LRP1B: variants seen among roughly 807,000 people sequenced by gnomAD.
The protein encoded by LRP1B is LDL receptor related protein 1B.
Under a neutral mutation model 556.6 loss-of-function variants are expected in LRP1B, and 217 were observed. The observed-to-expected ratio is 0.39, with a 90% CI of 0.35 to 0.44. LRP1B has a LOEUF of 0.44. Ranked by LOEUF, LRP1B falls within the 20% of genes least tolerant of loss-of-function variation. The pLI is 1.00. For synonymous variants in LRP1B, 2,047 were observed against 1,865.8 expected, an observed-to-expected ratio of 1.10 and a Z score of -2.50; for missense variants, 5,053 against 5,620.8, an observed-to-expected ratio of 0.90 and a Z score of 3.23.
intron 2 of LRP1B, among the ~76,000 whole-genome samples, chr2:141,618,667 A>G (rs1688395401): frequency 3.3e-5 from 5 of 152,168 alleles, no homozygotes; most frequent in Admixed American, 3.3e-4. Context: ...GAATGAAACT[A>G]TAGAAACAGC....
In LRP1B at chr2:140,562,316, G is replaced by A. The variant is rs182591396; in HGVS notation, c.7195-20345C>T. ...ATATACTAATGGTTTTGCAATAATGGAAACTGATAAAAACAATTTCTTTTT... is the reference window on the plus strand; with the variant it reads ...ATATACTAATGGTTTTGCAATAATGAAAACTGATAAAAACAATTTCTTTTT... On this transcript the variant is annotated intron_variant, in intron 43 of 90. Coordinates refer to ENST00000389484, the MANE Select transcript of LRP1B (RefSeq NM_018557.3). Among the ~76,000 whole-genome samples, 4 of 152,220 alleles carry A rather than the reference G, an allele frequency of 2.6e-5. No homozygotes were observed. The East Asian group carries it at 5.8e-4, about 22-fold the overall frequency.
At chr2:140,888,856 A>G (rs1693715689) in intron 23 of LRP1B, among the ~76,000 whole-genome samples, 1 of 150,788 alleles carries the variant, frequency 6.6e-6, no homozygotes, top group African/African-American at 2.4e-5. Context: ...CCAGCTACTC[A>G]GGAGGCTGAG....
chr2:140,551,044 C>T (rs952231735), intron 43 of LRP1B, among the ~76,000 whole-genome samples: 1 of 152,052 alleles, frequency 6.6e-6, no homozygotes, highest in African/African-American at 2.4e-5. Context: ...AGCCAGGAAG[C>T]GGTAAAGCCA....
chr2:141,231,136 T>G (rs1683443405), intron 5 of LRP1B, among the ~76,000 whole-genome samples: 1 of 152,226 alleles, frequency 6.6e-6, no homozygotes, highest in African/African-American at 2.4e-5. Flanking sequence ...ATTTGACCAT[T>G]CTATAAGAAA....
chr2:140,716,480 T>G (rs1687213716), intron 36 of LRP1B, among the ~76,000 whole-genome samples: 1 of 152,054 alleles, frequency 6.6e-6, no homozygotes, highest in Non-Finnish European at 1.5e-5. Context: ...CACTACATAA[T>G]CTACTTCTAC....
chr2:140,524,956 C>A (rs964307099), intron 49 of LRP1B, among the ~76,000 whole-genome samples: 11 of 151,740 alleles, frequency 7.2e-5, no homozygotes, highest in Admixed American at 2.6e-4. Flanking sequence ...AAAATTTAAA[C>A]AATTATATAC....
chr2:141,694,771 T>C (rs545513795), intron 2 of LRP1B, among the ~76,000 whole-genome samples: 4 of 152,118 alleles, frequency 2.6e-5, no homozygotes, highest in East Asian at 3.9e-4. Context: ...AGCTACCAAA[T>C]GGCAATGGAT....
At position 141,485,298 on chromosome 2, in the gene LRP1B, C is replaced by T. The variant is rs556820115; in HGVS notation, c.206-4765G>A. 2.6e-5 allele frequency among the ~76,000 whole-genome samples: 4 copies of T among 152,210 alleles called. No individual in the cohort carries two copies. The East Asian group carries it at 7.7e-4, about 29-fold the overall frequency. ...ATGAACTGTACCATAACCAGTCCTT[C>T]CCAAATTTTCATATCAATATACATT... On this transcript the variant is annotated intron_variant, in intron 2 of 90. Coordinates refer to ENST00000389484, the MANE Select transcript of LRP1B (RefSeq NM_018557.3).
chr2:140,351,315 GATT>G (rs1157741935), intron 76 of LRP1B, among the ~76,000 whole-genome samples: 5 of 151,984 alleles, frequency 3.3e-5, no homozygotes, highest in Non-Finnish European at 5.9e-5. Context: ...TATGAAGAGA[GATT>G]ATTATTTGAT....
At chr2:141,931,104 A>G (rs1046548218) in intron 1 of LRP1B, among the ~76,000 whole-genome samples, 1 of 152,072 alleles carries the variant, frequency 6.6e-6, no homozygotes, top group Non-Finnish European at 1.5e-5. Context: ...TAGAATACAT[A>G]CACATTCTAC....
At chr2:140,880,863 C>T (rs1693451169) in intron 25 of LRP1B, among the ~76,000 whole-genome samples, 1 of 152,036 alleles carries the variant, frequency 6.6e-6, no homozygotes, top group Admixed American at 6.6e-5. Flanking sequence ...TAAACAAATT[C>T]CATTTCTATG....
At chr2:141,521,071 T>C (rs1243318540) in intron 2 of LRP1B, among the ~76,000 whole-genome samples, 6 of 152,054 alleles carry the variant, frequency 3.9e-5, no homozygotes, top group Non-Finnish European at 7.4e-5. Flanking sequence ...CAATCAACCT[T>C]AATAGAAAAA....
At chr2:141,130,605 G>A (rs573887962) in intron 7 of LRP1B, among the ~76,000 whole-genome samples, 56 of 152,134 alleles carry the variant, frequency 3.7e-4, no homozygotes, top group African/African-American at 9.4e-4. Context: ...AGTTGTACCC[G>A]TGTGAGATAA....
At chr2:140,962,415 T>C (rs1233790272) in intron 18 of LRP1B, among the ~76,000 whole-genome samples, 1 of 152,150 alleles carries the variant, frequency 6.6e-6, no homozygotes, top group Non-Finnish European at 1.5e-5. Flanking sequence ...GAAAATAACA[T>C]TGTAAAAAAT....
chr2:141,609,012 T>G (rs2105319407), intron 2 of LRP1B, among the ~76,000 whole-genome samples: 1 of 152,294 alleles, frequency 6.6e-6, no homozygotes, highest in South Asian at 2.1e-4. Context: ...GAAGACTATT[T>G]TCTCAATTTT....
intron 20 of LRP1B, among the ~76,000 whole-genome samples, chr2:140,931,629 G>A (rs1389258973): frequency 6.6e-6 from 1 of 152,154 alleles, no homozygotes; most frequent in Admixed American, 6.6e-5. Context: ...CATTCAAAGA[G>A]TAAGTCGAAA....
At chr2:141,393,250 A>G (rs1210643168) in intron 3 of LRP1B, among the ~76,000 whole-genome samples, 1 of 151,834 alleles carries the variant, frequency 6.6e-6, no homozygotes, top group Non-Finnish European at 1.5e-5. Flanking sequence ...CAAACACACA[A>G]CTTTCTGGAA....
chr2:141,191,146 A>G (rs1262403679), intron 6 of LRP1B, among the ~76,000 whole-genome samples: 1 of 151,944 alleles, frequency 6.6e-6, no homozygotes, highest in Non-Finnish European at 1.5e-5. Context: ...ACTCTTCATC[A>G]TACTTAGTAT....
At chr2:140,520,880 TA>T (rs556406574) in intron 49 of LRP1B, among the ~76,000 whole-genome samples, 1 of 146,002 alleles carries the variant, frequency 6.8e-6, no homozygotes, top group Admixed American at 6.8e-5. Context: ...CTTTTGGAAT[TA>T]AAAAAAATCA....
Sources: gnomAD v4.1 joint callset for allele counts (sites outside exome capture counted in the v4.1 genomes callset) on GRCh38, gnomAD v4.1.1 for gene constraint, MANE v1.5 for transcripts, NCBI Gene and HGNC (gene_info 2026-07-23, HGNC 2026-07-21) for gene names.